USH2A: variants seen among roughly 807,000 people sequenced by gnomAD.
USH2A encodes the protein Usher syndrome 2A (autosomal recessive, mild).
A neutral mutation model predicts 538.9 loss-of-function variants in USH2A; 443 were observed. The observed-to-expected ratio is 0.82, with a 90% CI of 0.76 to 0.89. The LOEUF is 0.89. USH2A is among the 40% of genes least tolerant of loss of function. USH2A has a pLI of 0.00. For missense variants in USH2A, 6,633 were observed against 6,324.8 expected (o/e 1.05, Z -1.65); for synonymous variants, 2,413 against 2,273.5 (o/e 1.06, Z -1.75).
intron 9 of USH2A, among the ~76,000 whole-genome samples, chr1:216,297,878 G>A (rs996835376): frequency 6.6e-6 from 1 of 152,102 alleles, no homozygotes; most frequent in African/African-American, 2.4e-5. Flanking sequence ...GTGTGGGGAC[G>A]ATATGTTCTA....
At chr1:215,814,039 T>TAAA (rs1374623236) in intron 48 of USH2A, 135 bp from the exon 49 acceptor site, 12 of 1,031,462 alleles carry the variant, frequency 1.2e-5, no homozygotes, top group Non-Finnish European at 1.7e-5. Context: ...TTCGTTGGTT[T>TAAA]AAAAATGTAT....
Position 215,754,459 on chromosome 1 carries a change from T to G in USH2A, c.11389+4136A>C, listed in dbSNP as rs139881057. Among the ~76,000 whole-genome samples the G allele has an allele frequency of 3.3e-5, 5 of 152,220 alleles. No homozygotes were observed. The East Asian group carries it at 7.7e-4, about 24-fold the overall frequency. ...GTTGCCAAGTAACCACATAGACATTTTTTTTCCCAGCAGCTTACCTGTCTA... is the reference window on the plus strand; with the variant it reads ...GTTGCCAAGTAACCACATAGACATTGTTTTTCCCAGCAGCTTACCTGTCTA... On this transcript the variant is annotated intron_variant, in intron 58 of 71. Coordinates refer to ENST00000307340, the MANE Select transcript of USH2A (RefSeq NM_206933.4).
chr1:216,413,095 A>C (rs1278761765), intron 3 of USH2A, among the ~76,000 whole-genome samples: 1 of 152,078 alleles, frequency 6.6e-6, no homozygotes. Context: ...AATAACCCAA[A>C]ACTATTCAAC....
At chr1:215,776,482 G>A (rs541549591) in intron 55 of USH2A, among the ~76,000 whole-genome samples, 1 of 152,050 alleles carries the variant, frequency 6.6e-6, no homozygotes, top group Non-Finnish European at 1.5e-5. Context: ...TGTTTCTAAA[G>A]CTTTGAGGTA....
intron 48 of USH2A, among the ~76,000 whole-genome samples, chr1:215,814,212 T>A (rs2102793661): frequency 6.8e-6 from 1 of 147,058 alleles, no homozygotes; most frequent in African/African-American, 2.4e-5. Flanking sequence ...TATAAAATTT[T>A]AATTTTATAT....
intron 60 of USH2A, among the ~76,000 whole-genome samples, chr1:215,729,589 CATG>C (rs113296616): frequency 0.014 from 2,089 of 152,184 alleles, 47 homozygotes; most frequent in African/African-American, 0.045. Flanking sequence ...ATGAAAATAA[CATG>C]ATAAGTAATA....
chr1:216,345,701 G>C (rs1463549988), intron 4 of USH2A, among the ~76,000 whole-genome samples: 3 of 152,074 alleles, frequency 2.0e-5, no homozygotes, highest in Non-Finnish European at 4.4e-5. Flanking sequence ...AGAAAGAGGG[G>C]TACCTTAGGA....
rs1408841940 is a variant in USH2A at position 216,009,726 on chromosome 1, G to A, written c.6326-9164C>T. ...CAAGCTAGGTCCCAATTCTTCCTCA[G>A]CCTCCGCTCCTCCACCCTATAATCC... On this transcript the variant is annotated intron_variant, in intron 32 of 71. Coordinates refer to ENST00000307340, the MANE Select transcript of USH2A (RefSeq NM_206933.4). Among the ~76,000 whole-genome samples, 4 of 151,956 alleles carry A rather than the reference G, an allele frequency of 2.6e-5. No homozygotes were observed. In the South Asian group the frequency reaches 6.2e-4, roughly 24 times the overall value.
chr1:215,793,554 T>G (rs539465907), intron 50 of USH2A, among the ~76,000 whole-genome samples: 14 of 149,268 alleles, frequency 9.4e-5, no homozygotes, highest in Admixed American at 9.3e-4. Context: ...ATAGCACTGA[T>G]ATATTACACT....
intron 4 of USH2A, among the ~76,000 whole-genome samples, chr1:216,336,612 A>G (rs779057994): frequency 4.6e-5 from 7 of 151,530 alleles, no homozygotes; most frequent in Non-Finnish European, 1.0e-4. Context: ...CTGATAATAA[A>G]ATCATACACA....
intron 50 of USH2A, among the ~76,000 whole-genome samples, chr1:215,792,886 C>T (rs1662020791): frequency 6.6e-6 from 1 of 152,162 alleles, no homozygotes; most frequent in Non-Finnish European, 1.5e-5. Flanking sequence ...TCCAGAGCCT[C>T]TTCATTAAAT....
chr1:216,197,061 T>C (rs2034865389), intron 18 of USH2A, among the ~76,000 whole-genome samples: 1 of 152,040 alleles, frequency 6.6e-6, no homozygotes, highest in South Asian at 2.1e-4. Flanking sequence ...AAATAGAACA[T>C]CTCAGTTCAA....
At chr1:215,691,066 T>C (rs969053481) in intron 61 of USH2A, among the ~76,000 whole-genome samples, 7 of 152,134 alleles carry the variant, frequency 4.6e-5, no homozygotes, top group Non-Finnish European at 8.8e-5. Flanking sequence ...GTATTTTTAA[T>C]AGAGATGGGG....
chr1:215,846,168 C>T, intron 44 of USH2A, 135 bp from the exon 45 acceptor site: 1 of 785,098 alleles, frequency 1.3e-6, no homozygotes, highest in Non-Finnish European at 2.1e-6. Flanking sequence ...TTAAAAAAAG[C>T]TTATGAGATC....
chr1:215,981,476 A>G (rs976785749), intron 35 of USH2A, among the ~76,000 whole-genome samples: 1 of 152,148 alleles, frequency 6.6e-6, no homozygotes, highest in Non-Finnish European at 1.5e-5. Flanking sequence ...GTCTTGTCTG[A>G]TATTAAAATA....
At chr1:216,236,684 C>T (rs2035824803) in intron 13 of USH2A, among the ~76,000 whole-genome samples, 1 of 152,074 alleles carries the variant, frequency 6.6e-6, no homozygotes, top group South Asian at 2.1e-4. Flanking sequence ...CCTGTCCTAT[C>T]AGGGAGTCTA....
At chr1:216,132,360 AATCT>A (rs2033394203) in intron 21 of USH2A, among the ~76,000 whole-genome samples, 1 of 152,042 alleles carries the variant, frequency 6.6e-6, no homozygotes, top group Non-Finnish European at 1.5e-5. Flanking sequence ...GCATTTTTTA[AATCT>A]ATCTTAAAAA....
chr1:215,902,705 T>G (rs1248935211), intron 38 of USH2A, among the ~76,000 whole-genome samples: 2 of 152,166 alleles, frequency 1.3e-5, no homozygotes, highest in Admixed American at 1.3e-4. Flanking sequence ...AATTCAGTGA[T>G]ATTTGAACAG....
chr1:215,758,310 G>C (rs1216730179), intron 58 of USH2A, among the ~76,000 whole-genome samples: 1 of 151,108 alleles, frequency 6.6e-6, no homozygotes, highest in East Asian at 1.9e-4. Flanking sequence ...AAATAGATGA[G>C]TAAAAAGATT....
Sources: gnomAD v4.1 joint callset for allele counts (sites outside exome capture counted in the v4.1 genomes callset) on GRCh38, gnomAD v4.1.1 for gene constraint, MANE v1.5 for transcripts, NCBI Gene and HGNC (gene_info 2026-07-23, HGNC 2026-07-21) for gene names.